The following MTUS1 variants were observed in gnomAD, a reference collection of about 807,000 sequenced individuals.
MTUS1 encodes the protein microtubule associated scaffold protein 1, also known as microtubule-associated tumor suppressor 1.
In MTUS1, 109 loss-of-function variants were observed where a neutral mutation model predicts 120.8. The observed-to-expected ratio is 0.90, with a 90% CI of 0.77 to 1.06. The LOEUF is 1.06. Among genes scored for constraint, MTUS1 ranks in the 50% least tolerant of loss-of-function variants. The pLI is 0.00. For synonymous variants in MTUS1, 737 were observed against 550.5 expected (o/e 1.34, Z -4.74); for missense variants, 2,210 against 1,486.3 (o/e 1.49, Z -8.01).
At chr8:17,780,364 T>C (rs533407781) in intron 1 of MTUS1, among the ~76,000 whole-genome samples, 3 of 152,330 alleles carry the variant, frequency 2.0e-5, no homozygotes, top group Admixed American at 6.5e-5. Flanking sequence ...ACCTCTTTTC[T>C]TTATACATTA....
intron 8 of MTUS1, 182 bp downstream of exon 8, chr8:17,675,004 C>T: frequency 1.4e-6 from 2 of 1,407,964 alleles, no homozygotes; most frequent in Non-Finnish European, 1.8e-6. Flanking sequence ...ATTCTGTGAA[C>T]TGAAGGTCAA....
intron 8 of MTUS1, among the ~76,000 whole-genome samples, chr8:17,669,425 G>C (rs948671764): frequency 6.6e-6 from 1 of 152,172 alleles, no homozygotes; most frequent in Admixed American, 6.5e-5. Context: ...TCTGAACAAA[G>C]GGGAAAGAGT....
intron 4 of MTUS1, among the ~76,000 whole-genome samples, chr8:17,719,713 T>TCCACTAACCAGTGTTGG (rs1252420828): frequency 6.6e-6 from 1 of 152,100 alleles, no homozygotes; most frequent in African/African-American, 2.4e-5. Context: ...CGAATTCTTA[T>TCCACTAACCAGTGTTGG]CCACTAACCA....
Position 17,676,182 on chromosome 8 carries a change from CT to C in MTUS1, c.2839-931del, listed in dbSNP as rs1330877408. ...ACCCGGCCTTTGCAGGCAAGAGTTG[CT>C]TGTCATTCAAAGCATTTTCCCTGAA... On this transcript the variant is annotated intron_variant, in intron 7 of 14. Transcript: ENST00000693296. 3 of 693,888 alleles carry C rather than the reference CT, an allele frequency of 4.3e-6. No homozygotes were observed. The African/African-American group carries it at 5.2e-5, about 12-fold the overall frequency. The allele number at this position is 693,888 out of a possible 1,614,324, so 43.0% of individuals were successfully genotyped here.
chr8:17,681,046 AC>A (rs995713739), intron 7 of MTUS1, among the ~76,000 whole-genome samples: 2 of 151,678 alleles, frequency 1.3e-5, no homozygotes, highest in African/African-American at 4.8e-5. Context: ...TGATTCTTCT[AC>A]CTTAGCCTCC....
At chr8:17,798,560 C>G (rs1333612483) in intron 1 of MTUS1, among the ~76,000 whole-genome samples, 2 of 152,198 alleles carry the variant, frequency 1.3e-5, no homozygotes, top group African/African-American at 4.8e-5. Context: ...TCTCGAACCC[C>G]TGACCTCCTG....
intron 7 of MTUS1, among the ~76,000 whole-genome samples, chr8:17,679,320 G>C (rs1813787748): frequency 1.1e-5 from 1 of 90,826 alleles, no homozygotes; most frequent in South Asian, 3.4e-4. Flanking sequence ...ATGTGTATCT[G>C]TATCTATTTT....
At chr8:17,680,995 G>A (rs1814356498) in intron 7 of MTUS1, among the ~76,000 whole-genome samples, 1 of 151,890 alleles carries the variant, frequency 6.6e-6, no homozygotes, top group African/African-American at 2.4e-5. Flanking sequence ...GTGTAGTGGT[G>A]CGATCTTGGC....
chr8:17,717,452 A>C (rs536326554), intron 4 of MTUS1, among the ~76,000 whole-genome samples: 1 of 152,336 alleles, frequency 6.6e-6, no homozygotes, highest in South Asian at 2.1e-4. Context: ...CAACAAAGAA[A>C]ATTAGACAGT....
At chr8:17,653,326 C>T in intron 11 of MTUS1, 45 bp from the exon 12 acceptor site, 15 of 1,484,698 alleles carry the variant, frequency 1.0e-5, no homozygotes, top group Non-Finnish European at 1.3e-5. Context: ...AAGAAAACCC[C>T]AGAAACTCAG....
chr8:17,650,195 G>A (rs928213181), intron 12 of MTUS1, among the ~76,000 whole-genome samples: 1 of 152,168 alleles, frequency 6.6e-6, no homozygotes, highest in Admixed American at 6.5e-5. Flanking sequence ...ATGCAAAAAT[G>A]TGAGTTGCAT....
At chr8:17,655,025 G>A (rs1408482035) in intron 9 of MTUS1, 1 of 207,796 alleles carries the variant, frequency 4.8e-6, no homozygotes. Flanking sequence ...CAGACACAGA[G>A]GCTCTCCAGG....
intron 2 of MTUS1, among the ~76,000 whole-genome samples, chr8:17,746,110 G>A (rs916758485): frequency 6.6e-6 from 1 of 152,132 alleles, no homozygotes; most frequent in South Asian, 2.1e-4. Flanking sequence ...CCCAGTCTCA[G>A]GTAGTTCTTT....
chr8:17,690,528 G>C (rs1816742182), intron 6 of MTUS1, among the ~76,000 whole-genome samples: 1 of 152,150 alleles, frequency 6.6e-6, no homozygotes, highest in Non-Finnish European at 1.5e-5. Flanking sequence ...CAATCCCACT[G>C]CTGGGTATCT....
intron 5 of MTUS1, among the ~76,000 whole-genome samples, chr8:17,714,031 T>C (rs1821844300): frequency 6.6e-6 from 1 of 152,216 alleles, no homozygotes; most frequent in Admixed American, 6.5e-5. Context: ...CTCTGCAAGT[T>C]ATTTTAGTAT....
chr8:17,769,678 T>C (rs546540956), intron 1 of MTUS1, among the ~76,000 whole-genome samples: 1 of 151,958 alleles, frequency 6.6e-6, no homozygotes, highest in Non-Finnish European at 1.5e-5. Context: ...AGGAAAATGG[T>C]TTAACATTTT....
chr8:17,779,968 G>A (rs1415080176), intron 1 of MTUS1, among the ~76,000 whole-genome samples: 2 of 152,182 alleles, frequency 1.3e-5, no homozygotes, highest in African/African-American at 4.8e-5. Context: ...TCTCTGACAT[G>A]GGTTGGATGT....
intron 3 of MTUS1, among the ~76,000 whole-genome samples, chr8:17,741,559 T>C (rs2047320125): frequency 6.6e-6 from 1 of 152,226 alleles, no homozygotes; most frequent in African/African-American, 2.4e-5. Flanking sequence ...GTCTTTTCAC[T>C]AAGACTAAAC....
chr8:17,732,469 AC>A (rs1275438324), intron 3 of MTUS1, among the ~76,000 whole-genome samples: 2 of 152,030 alleles, frequency 1.3e-5, no homozygotes, highest in African/African-American at 4.8e-5. Flanking sequence ...TCCAGGGAGC[AC>A]CCCAGAGCTA....
Sources: gnomAD v4.1 joint callset for allele counts (sites outside exome capture counted in the v4.1 genomes callset) on GRCh38, gnomAD v4.1.1 for gene constraint, MANE v1.5 for transcripts, NCBI Gene and HGNC (gene_info 2026-07-23, HGNC 2026-07-21) for gene names.